Variants in TSEN15 observed in about 807,000 individuals in gnomAD.
TSEN15 encodes tRNA splicing endonuclease subunit 15.
TSEN15 carries 10 observed loss-of-function variants against 20.5 expected under a neutral mutation model. The ratio of observed to expected loss-of-function variants is 0.49; its 90% confidence interval spans 0.30 to 0.83. The LOEUF (loss-of-function observed/expected upper bound fraction) is 0.83. Ranked by LOEUF, TSEN15 falls within the 40% of genes least tolerant of loss-of-function variation. The pLI is 0.06. For synonymous variants in TSEN15, 72 were observed against 80.1 expected, an observed-to-expected ratio of 0.90 and a Z score of 0.54; for missense variants, 180 against 218.6, an observed-to-expected ratio of 0.82 and a Z score of 1.11.
chr1:184,058,288 T>G, intron 3 of TSEN15: 1 of 327,452 alleles, frequency 3.1e-6, no homozygotes, highest in Non-Finnish European at 5.9e-6. Context: ...AGAGCTTAAA[T>G]CTTTATGTCT....
intron 3 of TSEN15, among the ~76,000 whole-genome samples, chr1:184,080,221 CACT>C (rs935821456): frequency 4.4e-4 from 67 of 152,104 alleles, no homozygotes; most frequent in Non-Finnish European, 1.6e-4. Flanking sequence ...GTACTTTATT[CACT>C]ACTAAGTGCT....
intron 3 of TSEN15, among the ~76,000 whole-genome samples, chr1:184,083,168 C>T (rs1419428087): frequency 6.6e-6 from 1 of 152,106 alleles, no homozygotes; most frequent in African/African-American, 2.4e-5. Context: ...GACTACTACC[C>T]ACCCCATCCA....
At chr1:184,072,041 TTTAC>T in intron 3 of TSEN15, 112 bp from the exon 4 acceptor site, 1 of 987,832 alleles carries the variant, frequency 1.0e-6, no homozygotes, top group South Asian at 2.1e-5. Context: ...TTTTTCTCTT[TTTAC>T]TTCAGTTTGG....
exon 4 of TSEN15, chr1:184,097,105 G>C (rs1334758858): frequency 6.6e-6 from 1 of 152,116 alleles, no homozygotes; most frequent in Non-Finnish European, 1.5e-5. Flanking sequence ...GAATGCATTA[G>C]AAATGGTCCT....
At chr1:184,078,125 A>G (rs948139186), downstream of TSEN15, among the ~76,000 whole-genome samples, 3 of 152,132 alleles carry the variant, frequency 2.0e-5, no homozygotes, top group Non-Finnish European at 4.4e-5. Flanking sequence ...AGACTTTGCC[A>G]CAGCCACCGC....
chr1:184,060,445 G>A (rs1416304003), intron 3 of TSEN15, among the ~76,000 whole-genome samples: 1 of 152,230 alleles, frequency 6.6e-6, no homozygotes, highest in Non-Finnish European at 1.5e-5. Context: ...GCATGTCTGT[G>A]GAGTCTTAGG....
chr1:184,072,391 AC>A, intron 4 of TSEN15, 93 bp downstream of exon 4: 1 of 1,179,826 alleles, frequency 8.5e-7, no homozygotes, highest in Non-Finnish European at 1.2e-6. Flanking sequence ...CAGAACTGCC[AC>A]TTCCTTTGCC....
chr1:184,065,482 G>A (rs1650619946), intron 3 of TSEN15, among the ~76,000 whole-genome samples: 1 of 152,092 alleles, frequency 6.6e-6, no homozygotes. Flanking sequence ...AATAGTTTCA[G>A]TGCCATAAAC....
intron 3 of TSEN15, among the ~76,000 whole-genome samples, chr1:184,085,181 A>G (rs1037613437): frequency 3.3e-5 from 5 of 152,202 alleles, no homozygotes; most frequent in Non-Finnish European, 7.3e-5. Flanking sequence ...AAGCACATTG[A>G]AAAGTTCTCT....
chr1:184,093,349 G>T (rs74131439), intron 3 of TSEN15, among the ~76,000 whole-genome samples: 10,013 of 152,216 alleles, frequency 0.066, 555 homozygotes, highest in African/African-American at 0.14. Context: ...CAGGGTGGTG[G>T]AGTGGAAGGG....
In TSEN15 at chr1:184,061,707, A is replaced by G. The variant is rs138021684; in HGVS notation, c.353+6844A>G. On this transcript the variant is annotated intron_variant, in intron 3 of 4. Transcript: ENST00000645668. ...ATATGTATTTTCTGCCTCCTTAAAA[A>G]GTAATTGTTCTAAGGAGTGTTTAAT... 3.1e-3 allele frequency among the ~76,000 whole-genome samples: 470 copies of G among 152,264 alleles called. 2 individuals carry two copies. Among genetic ancestry groups the G allele is most frequent in the African/African-American group, 7.4e-3 (306 of 41,562 alleles).
rs80257857 is a variant in TSEN15, at chr1:184,070,835, T to A, written c.354-1322T>A. The A allele has an allele frequency of 1.5e-4, 43 of 280,652 alleles. 1 individual carries two copies. The East Asian group carries it at 4.6e-3, about 30-fold the overall frequency. The allele number at this position is 280,652 out of a possible 1,614,324, so 17.4% of individuals were successfully genotyped here. Reference sequence around the variant, plus strand: ...AGAATCTAGCTAGTTGTAATGCAGTTCAGCATAGGTGGAAATAATTTTTTA... The same window carrying A: ...AGAATCTAGCTAGTTGTAATGCAGTACAGCATAGGTGGAAATAATTTTTTA... On this transcript the variant is annotated intron_variant, in intron 3 of 4. Transcript: ENST00000645668.
intron 3 of TSEN15, among the ~76,000 whole-genome samples, chr1:184,069,991 T>G (rs965426552): frequency 6.6e-6 from 1 of 152,162 alleles, no homozygotes; most frequent in East Asian, 1.9e-4. Flanking sequence ...CATTTCATTT[T>G]TGACAGTGAT....
chr1:184,083,607 G>A (rs1484586419), intron 3 of TSEN15, among the ~76,000 whole-genome samples: 1 of 152,142 alleles, frequency 6.6e-6, no homozygotes. Flanking sequence ...GGATGCTGTG[G>A]TTTTGAATAT....
chr1:184,088,483 A>G (rs1651303503), intron 3 of TSEN15, among the ~76,000 whole-genome samples: 1 of 152,088 alleles, frequency 6.6e-6, no homozygotes, highest in South Asian at 2.1e-4. Context: ...GAAGAGAAAG[A>G]AAGAAGAAAA....
chr1:184,089,183 T>A (rs1446135710), intron 3 of TSEN15, among the ~76,000 whole-genome samples: 1 of 152,246 alleles, frequency 6.6e-6, no homozygotes, highest in Non-Finnish European at 1.5e-5. Flanking sequence ...AAACAAAATA[T>A]GTTGGTGGGT....
downstream of TSEN15, among the ~76,000 whole-genome samples, chr1:184,077,665 A>G (rs148668338): frequency 3.1e-3 from 467 of 152,258 alleles, 2 homozygotes; most frequent in African/African-American, 7.3e-3. Context: ...ATTCATGGGA[A>G]GAGGTAAAAA....
At chr1:184,093,706 A>G (rs898877019) in intron 3 of TSEN15, 4 of 152,198 alleles carry the variant, frequency 2.6e-5, no homozygotes, top group African/African-American at 9.6e-5. Flanking sequence ...CAAATCCCTT[A>G]ACGTCTTCAT....
At chr1:184,070,498 T>C (rs1650842126) in intron 3 of TSEN15, 1 of 358,536 alleles carries the variant, frequency 2.8e-6, no homozygotes, top group Non-Finnish European at 5.3e-6. Flanking sequence ...AAGATGTAGA[T>C]AAGTTAAAAT....
Sources: allele counts gnomAD v4.1 joint callset (sites outside exome capture counted in the v4.1 genomes callset), GRCh38; gene constraint gnomAD v4.1.1; transcripts MANE v1.5; gene names NCBI Gene and HGNC (gene_info 2026-07-23, HGNC 2026-07-21).